The following NSUN4 variants were observed in gnomAD, a reference collection of about 807,000 sequenced individuals.
NSUN4 encodes the protein NOP2/Sun RNA methyltransferase 4.
A neutral mutation model predicts 43.8 loss-of-function variants in NSUN4; 31 were observed. The ratio of observed to expected loss-of-function variants is 0.71; its 90% CI spans 0.53 to 0.96. The LOEUF (loss-of-function observed/expected upper bound fraction) is 0.96. Ranked by LOEUF, NSUN4 falls within the 40% of genes least tolerant of loss-of-function variation. NSUN4 has a pLI of 0.00. For missense variants in NSUN4, 439 were observed against 475.6 expected (o/e 0.92, Z 0.72); for synonymous variants, 167 against 184.1 (o/e 0.91, Z 0.75).
intron 4 of NSUN4, among the ~76,000 whole-genome samples, chr1:46,357,480 A>G (rs1663469672): frequency 6.6e-6 from 1 of 152,234 alleles, no homozygotes; most frequent in Non-Finnish European, 1.5e-5. Context: ...TACTGAAACA[A>G]TATTAGAAAT....
At chr1:46,354,741 G>A (rs1442611233) in intron 4 of NSUN4, among the ~76,000 whole-genome samples, 1 of 151,668 alleles carries the variant, frequency 6.6e-6, no homozygotes, top group Non-Finnish European at 1.5e-5. Flanking sequence ...TGCAGCCTCC[G>A]CCTCCTGGGT....
chr1:46,353,947 G>A (rs1663184706), intron 4 of NSUN4, among the ~76,000 whole-genome samples: 1 of 151,956 alleles, frequency 6.6e-6, no homozygotes, highest in South Asian at 2.1e-4. Flanking sequence ...TTTCTCTGTG[G>A]AGGTTAAACC....
chr1:46,356,106 C>T (rs1023023729), intron 4 of NSUN4, among the ~76,000 whole-genome samples: 2 of 151,988 alleles, frequency 1.3e-5, no homozygotes, highest in African/African-American at 4.8e-5. Context: ...AGGTCTTGCT[C>T]TGTTGCCCAG....
chr1:46,350,164 C>T (rs1057533), intron 3 of NSUN4, among the ~76,000 whole-genome samples: 34,093 of 152,066 alleles, frequency 0.22, 4,292 homozygotes, highest in Non-Finnish European at 0.29. Flanking sequence ...CTTTCTTTTT[C>T]TCAGTTCATA....
chr1:46,347,460 T>C (rs1406893942), intron 3 of NSUN4, among the ~76,000 whole-genome samples: 2 of 152,088 alleles, frequency 1.3e-5, no homozygotes, highest in Non-Finnish European at 2.9e-5. Context: ...AAAAAGAATA[T>C]GGTAGGTTCT....
chr1:46,376,899 A>T, the NSUN4 span, among the ~76,000 whole-genome samples: 1 of 152,054 alleles, frequency 6.6e-6, no homozygotes, highest in East Asian at 1.9e-4. Context: ...CTGGGATTAC[A>T]GGTGCACACC....
At position 46,346,934 on chromosome 1, in the gene NSUN4, G is replaced by A; in HGVS notation, c.451G>A (p.Gly151Ser). The A allele has an allele frequency of 6.2e-6, 10 of 1,613,486 alleles. No individual in the cohort carries two copies. The highest frequency in any genetic ancestry group is 8.5e-6 in the Non-Finnish European group (10 of 1,179,770). Residue 151 changes from glycine (G) to serine (S), a missense_variant, in exon 3 of 6, where the codon GGT (glycine) becomes AGT (serine). Gly to Ser is a moderately conservative substitution (Grantham distance 56). Transcript: ENST00000474844. ...RFPPARPGSL[G>S]VMEYYLMDAA... The stretch of plus-strand genomic sequence containing the variant: ...CCTCTTTTCCAGACCTGGCAGCCTG[G>A]GTGTCATGGAGTACTACCTGATGGA...
chr1:46,364,021 A>G lies in NSUN4; in HGVS notation c.*2175A>G, dbSNP rs954118983. 1 of 151,950 alleles carries G rather than the reference A, an allele frequency of 6.6e-6. No individual in the cohort carries two copies. Among genetic ancestry groups the G allele is most frequent in the African/African-American group, 2.4e-5 (1 of 41,384 alleles). 9.4% of individuals were successfully genotyped at this position (151,950 alleles called of 1,614,324 possible). The stretch of plus-strand genomic sequence containing the variant: ...CATCAAGATGTAGAAAATAGAAAAT[A>G]GGCTAGGCACAGTGGCTCACGCCTG... On this transcript the variant is annotated 3_prime_UTR_variant, in exon 6 of 6. Transcript: ENST00000474844.
chr1:46,345,922 G>A (rs546847389), intron 2 of NSUN4, among the ~76,000 whole-genome samples: 1 of 152,086 alleles, frequency 6.6e-6, no homozygotes, highest in Non-Finnish European at 1.5e-5. Context: ...GGCTGAGGCG[G>A]GCGGATTGCC....
the NSUN4 span, among the ~76,000 whole-genome samples, chr1:46,371,731 C>T: frequency 5.2e-4 from 79 of 152,168 alleles, 1 homozygote; most frequent in South Asian, 0.015. Context: ...TGAGCCACCG[C>T]GCCTGACCAG....
Position 46,361,928 on chromosome 1 carries a change from G to T in NSUN4, c.*82G>T, listed in dbSNP as rs1442406796. ...AAACTGGAAACTGGGACCAGTGGCA[G>T]AGATGCACTCTCGGTCCTGTCTCCA... On this transcript the variant is annotated 3_prime_UTR_variant, in exon 6 of 6. Transcript: ENST00000474844. 1 of 1,268,880 alleles carries T rather than the reference G, an allele frequency of 7.9e-7. No individual in the cohort carries two copies. Among genetic ancestry groups the T allele is most frequent in the Non-Finnish European group, 1.1e-6 (1 of 909,830 alleles). 78.6% of individuals were successfully genotyped at this position (1,268,880 alleles called of 1,614,324 possible).
chr1:46,343,629 A>C (rs1662279759), intron 1 of NSUN4: 1 of 400,206 alleles, frequency 2.5e-6, no homozygotes, highest in Non-Finnish European at 4.4e-6. Flanking sequence ...TCATCTGAGC[A>C]GAAGTCCAAG....
At chr1:46,372,082 T>C in the NSUN4 span, among the ~76,000 whole-genome samples, 1 of 152,066 alleles carries the variant, frequency 6.6e-6, no homozygotes, top group Non-Finnish European at 1.5e-5. Context: ...TACTAGTCTC[T>C]TTAGCAAACT....
intron 3 of NSUN4, among the ~76,000 whole-genome samples, chr1:46,348,808 GTTTTTTTTTTTT>G (rs869234807): frequency 2.7e-4 from 21 of 77,868 alleles, no homozygotes; most frequent in African/African-American, 1.0e-3. Flanking sequence ...CTTGTGCACT[GTTTTTTTTTTTT>G]TTTTTTTTTT....
intron 4 of NSUN4, among the ~76,000 whole-genome samples, chr1:46,360,101 C>T (rs1043033620): frequency 2.7e-5 from 4 of 149,728 alleles, no homozygotes; most frequent in East Asian, 2.0e-4. Flanking sequence ...TGGTGGCAGG[C>T]GCCTGTAGTC....
intron 3 of NSUN4, among the ~76,000 whole-genome samples, chr1:46,349,361 T>C (rs916479916): frequency 3.0e-4 from 45 of 151,098 alleles, no homozygotes; most frequent in Admixed American, 7.2e-4. Context: ...AGGATGGTCT[T>C]GATCTCCTGA....
intron 5 of NSUN4, 106 bp from the exon 6 acceptor site, chr1:46,361,464 C>A (rs1663863776): frequency 9.8e-7 from 1 of 1,018,830 alleles, no homozygotes; most frequent in Non-Finnish European, 1.4e-6. Context: ...TAACCAGCTA[C>A]CCATCCTGTA....
chr1:46,354,857 G>A (rs558653896), intron 4 of NSUN4, among the ~76,000 whole-genome samples: 1 of 152,144 alleles, frequency 6.6e-6, no homozygotes, highest in African/African-American at 2.4e-5. Context: ...TTTTAGTAGA[G>A]ACGGGGTTTC....
At chr1:46,351,589 G>T (rs1662984077) in intron 3 of NSUN4, among the ~76,000 whole-genome samples, 1 of 151,842 alleles carries the variant, frequency 6.6e-6, no homozygotes, top group Non-Finnish European at 1.5e-5. Context: ...ACTTTGGGAG[G>T]CTGAGGTGGG....
Sources: allele counts gnomAD v4.1 joint callset (sites outside exome capture counted in the v4.1 genomes callset), GRCh38; gene constraint gnomAD v4.1.1; transcripts MANE v1.5; gene names NCBI Gene and HGNC (gene_info 2026-07-23, HGNC 2026-07-21).